Variants in AFG2A observed in about 807,000 individuals in gnomAD.
The protein encoded by AFG2A is ATPase family gene 2 protein homolog A.
chr4:123,274,595 T>TAAA, the AFG2A span, among the ~76,000 whole-genome samples: 1 of 141,158 alleles, frequency 7.1e-6, no homozygotes, highest in African/African-American at 2.6e-5. Context: ...AGCACATAAT[T>TAAA]AAAAAAAAAA....
chr4:123,142,618 GACTTC>G, the AFG2A span, among the ~76,000 whole-genome samples: 2 of 152,154 alleles, frequency 1.3e-5, no homozygotes, highest in East Asian at 3.9e-4. Context: ...ATCTGTCATA[GACTTC>G]ACTTCATTCT....
At chr4:123,138,923 A>G in the AFG2A span, among the ~76,000 whole-genome samples, 4 of 152,100 alleles carry the variant, frequency 2.6e-5, no homozygotes, top group African/African-American at 7.2e-5. Context: ...ATATATGTAT[A>G]TCAAAGAACT....
At chr4:123,033,585 C>G in the AFG2A span, among the ~76,000 whole-genome samples, 2 of 152,196 alleles carry the variant, frequency 1.3e-5, no homozygotes, top group Admixed American at 6.5e-5. Flanking sequence ...GCCAAAGATA[C>G]AGGAAACTGT....
the AFG2A span, among the ~76,000 whole-genome samples, chr4:122,992,066 C>A: frequency 6.6e-6 from 1 of 152,140 alleles, no homozygotes; most frequent in Non-Finnish European, 1.5e-5. Context: ...TAGTTTAAAA[C>A]AATTTGGAAC....
chr4:122,935,523 A>G, the AFG2A span, among the ~76,000 whole-genome samples: 2 of 151,488 alleles, frequency 1.3e-5, no homozygotes, highest in African/African-American at 4.9e-5. Context: ...GTCTACAGAG[A>G]GAGAAAGTCA....
chr4:123,196,941 T>C, the AFG2A span, among the ~76,000 whole-genome samples: 1 of 152,238 alleles, frequency 6.6e-6, no homozygotes, highest in Non-Finnish European at 1.5e-5. Flanking sequence ...CACAGAATGA[T>C]GTCCTTCAGT....
the AFG2A span, chr4:123,090,507 C>G: frequency 6.5e-7 from 1 of 1,545,904 alleles, no homozygotes. Context: ...ACTATAGAAC[C>G]TTTAAAAATT....
chr4:123,029,126 A>G, the AFG2A span, among the ~76,000 whole-genome samples: 2 of 152,180 alleles, frequency 1.3e-5, no homozygotes, highest in Non-Finnish European at 1.5e-5. Flanking sequence ...TTACCAGGGA[A>G]TTTTTTACAT....
chr4:123,016,387 G>T, the AFG2A span, among the ~76,000 whole-genome samples: 1 of 150,634 alleles, frequency 6.6e-6, no homozygotes, highest in African/African-American at 2.4e-5. Context: ...CAGGCGGAGG[G>T]TCTCCTCACT....
the AFG2A span, among the ~76,000 whole-genome samples, chr4:122,999,687 C>T: frequency 5.9e-5 from 9 of 152,252 alleles, no homozygotes; most frequent in Admixed American, 2.0e-4. Context: ...TTGGTACCAG[C>T]ACCATGCTGT....
At chr4:123,280,337 T>C in the AFG2A span, among the ~76,000 whole-genome samples, 1 of 152,220 alleles carries the variant, frequency 6.6e-6, no homozygotes, top group African/African-American at 2.4e-5. Context: ...TAATAAACTG[T>C]GTACTACCAC....
chr4:123,138,699 A>T, the AFG2A span, among the ~76,000 whole-genome samples: 3 of 152,222 alleles, frequency 2.0e-5, no homozygotes, highest in South Asian at 6.2e-4. Flanking sequence ...TGGAAAAAAA[A>T]TAAATATATT....
At chr4:122,934,320 C>T in the AFG2A span, 19 of 1,613,968 alleles carry the variant, frequency 1.2e-5, no homozygotes, top group Non-Finnish European at 1.5e-5. Context: ...TGGAGGATAC[C>T]CAGATCCCAA....
the AFG2A span, among the ~76,000 whole-genome samples, chr4:123,127,283 A>G: frequency 6.6e-6 from 1 of 152,234 alleles, no homozygotes; most frequent in Non-Finnish European, 1.5e-5. Context: ...TAATGAAACC[A>G]GGATCTGAGT....
the AFG2A span, among the ~76,000 whole-genome samples, chr4:123,115,575 C>T: frequency 6.6e-6 from 1 of 152,104 alleles, no homozygotes; most frequent in Non-Finnish European, 1.5e-5. Flanking sequence ...CATGCCAGAC[C>T]GTGCTCTTCC....
the AFG2A span, among the ~76,000 whole-genome samples, chr4:123,276,133 A>G: frequency 6.6e-6 from 1 of 151,944 alleles, no homozygotes; most frequent in Admixed American, 6.6e-5. Context: ...TTTCCCTGAC[A>G]CCTCACCAGA....
chr4:123,146,573 T>C, the AFG2A span, among the ~76,000 whole-genome samples: 1 of 152,152 alleles, frequency 6.6e-6, no homozygotes, highest in Non-Finnish European at 1.5e-5. Context: ...AACTCAAAAT[T>C]AAGCTCTCTG....
the AFG2A span, among the ~76,000 whole-genome samples, chr4:122,931,286 T>C: frequency 6.6e-5 from 10 of 152,144 alleles, no homozygotes; most frequent in Admixed American, 5.2e-4. Context: ...TTTATACATA[T>C]ATTTGATTCA....
chr4:122,996,966 T>C, the AFG2A span, among the ~76,000 whole-genome samples: 2 of 152,156 alleles, frequency 1.3e-5, no homozygotes, highest in African/African-American at 2.4e-5. Context: ...TCTTAGCTGA[T>C]TGGATGGTGC....
Sources: allele counts gnomAD v4.1 joint callset (sites outside exome capture counted in the v4.1 genomes callset), GRCh38; gene constraint gnomAD v4.1.1; transcripts MANE v1.5; gene names NCBI Gene and HGNC (gene_info 2026-07-23, HGNC 2026-07-21).